Variants in COL25A1 observed in about 807,000 individuals in gnomAD.
The protein encoded by COL25A1 is collagen type XXV alpha 1 chain, also known as collagen alpha-1(XXV) chain.
COL25A1 carries 103 observed loss-of-function variants against 128.4 expected under a neutral mutation model. That is an observed-to-expected ratio of 0.80 (90% CI 0.68 to 0.94). The LOEUF (loss-of-function observed/expected upper bound fraction) is 0.94. COL25A1 is among the 40% of genes least tolerant of loss of function. The pLI is 0.00. For synonymous variants in COL25A1, 279 were observed against 277.2 expected (o/e 1.01, Z -0.06); for missense variants, 745 against 840.0 (o/e 0.89, Z 1.40).
At chr4:108,997,977 AAAT>A (rs1449918490) in intron 6 of COL25A1, among the ~76,000 whole-genome samples, 1 of 152,158 alleles carries the variant, frequency 6.6e-6, no homozygotes, top group Admixed American at 6.5e-5. Flanking sequence ...ATGTATCTCA[AAAT>A]AATAAGAGAT....
At chr4:109,016,174 T>C (rs1438495105) in intron 5 of COL25A1, among the ~76,000 whole-genome samples, 1 of 152,186 alleles carries the variant, frequency 6.6e-6, no homozygotes, top group African/African-American at 2.4e-5. Flanking sequence ...TCCCTACTCC[T>C]AGTGTCTGCT....
intron 3 of COL25A1, among the ~76,000 whole-genome samples, chr4:109,248,920 A>G (rs1318280442): frequency 6.6e-6 from 1 of 152,178 alleles, no homozygotes; most frequent in East Asian, 1.9e-4. Context: ...CATCCCTCAT[A>G]TAAGGGAGAC....
intron 6 of COL25A1, among the ~76,000 whole-genome samples, chr4:108,987,725 TTGG>T (rs1753790825): frequency 6.6e-6 from 1 of 152,142 alleles, no homozygotes; most frequent in South Asian, 2.1e-4. Flanking sequence ...ATGAAGCTAC[TTGG>T]AAAAACAAAA....
chr4:108,857,342 G>C (rs1014140029), intron 24 of COL25A1, among the ~76,000 whole-genome samples: 2 of 152,022 alleles, frequency 1.3e-5, no homozygotes, highest in Non-Finnish European at 2.9e-5. Context: ...TTATCAACTT[G>C]TGGGGAAAAG....
intron 5 of COL25A1, among the ~76,000 whole-genome samples, chr4:109,026,504 G>A (rs562450612): frequency 1.3e-5 from 2 of 152,160 alleles, no homozygotes; most frequent in Non-Finnish European, 2.9e-5. Context: ...GGTTATTAAC[G>A]ACTGCCTGGA....
At position 109,150,341 on chromosome 4, in the gene COL25A1, C is replaced by T. The variant is rs562050099; in HGVS notation, c.368-100162G>A. Reference sequence around the variant, plus strand: ...AAGGTCGTTGGCAGTTCTCTCCTGTCTAGTTAATCAGGTAATGCCTCCTAA... The same window carrying T: ...AAGGTCGTTGGCAGTTCTCTCCTGTTTAGTTAATCAGGTAATGCCTCCTAA... On this transcript the variant is annotated intron_variant, in intron 3 of 37. Coordinates refer to ENST00000399132, the MANE Select transcript of COL25A1 (RefSeq NM_198721.4). Among the ~76,000 whole-genome samples, 7 of 152,208 alleles carry T rather than the reference C, an allele frequency of 4.6e-5. No individual in the cohort carries two copies. In the East Asian group the frequency reaches 1.4e-3, roughly 29 times the overall value.
intron 35 of COL25A1, among the ~76,000 whole-genome samples, chr4:108,820,848 T>G (rs2125709480): frequency 6.6e-6 from 1 of 152,190 alleles, no homozygotes; most frequent in South Asian, 2.1e-4. Flanking sequence ...GTAAAGGTTG[T>G]GGGAAATCTG....
intron 3 of COL25A1, among the ~76,000 whole-genome samples, chr4:109,151,949 T>A (rs1170341669): frequency 6.6e-6 from 1 of 152,184 alleles, no homozygotes. Context: ...AAACTTCTAC[T>A]TAATTGGATG....
At chr4:109,239,471 G>A (rs935543002) in intron 3 of COL25A1, among the ~76,000 whole-genome samples, 3 of 147,606 alleles carry the variant, frequency 2.0e-5, no homozygotes, top group Non-Finnish European at 3.0e-5. Context: ...CTACAAACCT[G>A]TACAGCAGGT....
intron 31 of COL25A1, among the ~76,000 whole-genome samples, chr4:108,833,718 G>A (rs1733438812): frequency 6.6e-6 from 1 of 152,138 alleles, no homozygotes; most frequent in Non-Finnish European, 1.5e-5. Context: ...TTCTAATGTT[G>A]CTGAATTCTC....
chr4:109,141,874 C>T (rs983701332), intron 3 of COL25A1, among the ~76,000 whole-genome samples: 1 of 152,240 alleles, frequency 6.6e-6, no homozygotes, highest in Middle Eastern at 3.4e-3. Context: ...TTTCAAAACA[C>T]CAGTTCCTGG....
intron 3 of COL25A1, among the ~76,000 whole-genome samples, chr4:109,059,660 G>A (rs1761769958): frequency 6.6e-6 from 1 of 152,120 alleles, no homozygotes; most frequent in African/African-American, 2.4e-5. Flanking sequence ...CGTCTAAGGG[G>A]ATGTGATTAA....
At chr4:108,907,100 A>C (rs183443776) in intron 13 of COL25A1, among the ~76,000 whole-genome samples, 62 of 152,308 alleles carry the variant, frequency 4.1e-4, no homozygotes, top group African/African-American at 1.3e-3. Context: ...CACACCTCCA[A>C]GTCATGCCCA....
At chr4:109,100,450 T>C (rs1024102343) in intron 3 of COL25A1, among the ~76,000 whole-genome samples, 7 of 151,268 alleles carry the variant, frequency 4.6e-5, no homozygotes, top group South Asian at 2.1e-4. Context: ...CATACACCCA[T>C]GAGTTAATAG....
At chr4:108,824,096 G>C in intron 35 of COL25A1, 78 bp downstream of exon 35, 1 of 1,613,692 alleles carries the variant, frequency 6.2e-7, no homozygotes, top group Non-Finnish European at 8.5e-7. Flanking sequence ...AGTGTCAAAT[G>C]GAATCACACA....
chr4:108,980,905 C>T (rs2125996423), intron 6 of COL25A1, among the ~76,000 whole-genome samples: 1 of 152,314 alleles, frequency 6.6e-6, no homozygotes, highest in South Asian at 2.1e-4. Flanking sequence ...AAGCAAACAT[C>T]GATGTTCACA....
At chr4:109,241,012 T>C (rs1239040581) in intron 3 of COL25A1, among the ~76,000 whole-genome samples, 2 of 152,066 alleles carry the variant, frequency 1.3e-5, no homozygotes, top group Non-Finnish European at 2.9e-5. Context: ...GAATGGAGAT[T>C]AATTCTTCCA....
At chr4:108,942,099 A>G (rs966413123) in intron 8 of COL25A1, 42 of 1,033,294 alleles carry the variant, frequency 4.1e-5, no homozygotes, top group Non-Finnish European at 5.7e-5. Flanking sequence ...GTAACTTGAT[A>G]TATACCATGA....
chr4:108,978,080 C>T (rs1752610141), intron 6 of COL25A1, among the ~76,000 whole-genome samples: 1 of 152,194 alleles, frequency 6.6e-6, no homozygotes, highest in Non-Finnish European at 1.5e-5. Flanking sequence ...GCCAAATCCA[C>T]GTATCAACTA....
Sources: gnomAD v4.1 joint callset for allele counts (sites outside exome capture counted in the v4.1 genomes callset) on GRCh38, gnomAD v4.1.1 for gene constraint, MANE v1.5 for transcripts, NCBI Gene and HGNC (gene_info 2026-07-23, HGNC 2026-07-21) for gene names.